CACNA2D3: variants seen among roughly 807,000 people sequenced by gnomAD.
The protein encoded by CACNA2D3 is voltage-dependent calcium channel subunit alpha-2/delta-3.
A neutral mutation model predicts 160.6 loss-of-function variants in CACNA2D3; 60 were observed. That is an observed-to-expected ratio of 0.37 (90% confidence interval 0.30 to 0.46). The LOEUF (loss-of-function observed/expected upper bound fraction) is 0.46. Among genes scored for constraint, CACNA2D3 ranks in the 20% least tolerant of loss-of-function variants. The pLI is 1.00. For synonymous variants in CACNA2D3, 558 were observed against 492.9 expected (o/e 1.13, Z -1.75); for missense variants, 1,205 against 1,365.0 (o/e 0.88, Z 1.85).
intron 35 of CACNA2D3, among the ~76,000 whole-genome samples, chr3:55,045,852 G>A (rs1411971250): frequency 1.3e-5 from 2 of 151,918 alleles, no homozygotes; most frequent in Admixed American, 1.3e-4. Context: ...AGAACCAGCT[G>A]TTAGTTTGAT....
rs545143164 is a variant in CACNA2D3 at position 54,464,273 on chromosome 3, C to T, written c.382-39219C>T. 2.2e-3 allele frequency among the ~76,000 whole-genome samples: 338 copies of T among 152,290 alleles called. 2 individuals carry two copies. The highest frequency in any genetic ancestry group is 4.2e-3 in the Non-Finnish European group (289 of 68,028). ...CTGCCCCTTCTCATATCTCCAGCTGCGTGCTGGGAGAACCACTGCTCTCTT... is the reference window on the plus strand; with the variant it reads ...CTGCCCCTTCTCATATCTCCAGCTGTGTGCTGGGAGAACCACTGCTCTCTT... On this transcript the variant is annotated intron_variant, in intron 4 of 37. Transcript: ENST00000474759.
intron 3 of CACNA2D3, among the ~76,000 whole-genome samples, chr3:54,341,041 A>G (rs1467816720): frequency 6.6e-6 from 1 of 152,172 alleles, no homozygotes; most frequent in African/African-American, 2.4e-5. Context: ...CTTCCTCCAG[A>G]TGGCTGGTGG....
At chr3:54,265,689 G>C (rs945560832) in intron 2 of CACNA2D3, among the ~76,000 whole-genome samples, 1 of 145,222 alleles carries the variant, frequency 6.9e-6, no homozygotes, top group Non-Finnish European at 1.5e-5. Flanking sequence ...TATATATATA[G>C]TGTGGGTATA....
intron 27 of CACNA2D3, among the ~76,000 whole-genome samples, chr3:54,913,745 T>C (rs770137417): frequency 1.3e-5 from 2 of 152,156 alleles, no homozygotes; most frequent in Non-Finnish European, 2.9e-5. Context: ...TGTCAGGTCC[T>C]GAAAAGTGCC....
chr3:54,193,035 C>T lies in CACNA2D3; in HGVS notation c.204+69441C>T, dbSNP rs570144689. On this transcript the variant is annotated intron_variant, in intron 2 of 37. Transcript: ENST00000474759. ...GCTATTCATGATTATAGTTTTTCAG[C>T]ATGTAACCTTGGCCAGGCGCTCTGC... Among the ~76,000 whole-genome samples the T allele has an allele frequency of 3.9e-5, 6 of 152,338 alleles. No homozygotes were observed. The South Asian group carries it at 1.2e-3, about 32-fold the overall frequency.
At chr3:54,262,105 G>A (rs145993120) in intron 2 of CACNA2D3, among the ~76,000 whole-genome samples, 3 of 152,096 alleles carry the variant, frequency 2.0e-5, no homozygotes, top group Non-Finnish European at 4.4e-5. Context: ...ACTTTAGCAC[G>A]TTCCCAGAAC....
intron 13 of CACNA2D3, among the ~76,000 whole-genome samples, chr3:54,778,185 A>G (rs72874234): frequency 0.02 from 2,984 of 152,208 alleles, 107 homozygotes; most frequent in African/African-American, 0.068. Flanking sequence ...TTAAACAACC[A>G]GATCTTATGA....
At chr3:54,264,797 T>C (rs4257583) in intron 2 of CACNA2D3, among the ~76,000 whole-genome samples, 20,839 of 152,264 alleles carry the variant, frequency 0.14, 1,704 homozygotes, top group East Asian at 0.33. Flanking sequence ...TACCAAGTTT[T>C]CTTTCATTGC....
At chr3:54,322,560 A>T (rs1039403894) in intron 3 of CACNA2D3, among the ~76,000 whole-genome samples, 1 of 152,152 alleles carries the variant, frequency 6.6e-6, no homozygotes, top group Non-Finnish European at 1.5e-5. Flanking sequence ...GTTAATTTTT[A>T]CACCTAGGTG....
At chr3:54,316,514 A>G (rs1004362800) in intron 2 of CACNA2D3, among the ~76,000 whole-genome samples, 16 of 152,218 alleles carry the variant, frequency 1.1e-4, no homozygotes, top group Admixed American at 5.2e-4. Flanking sequence ...ATAAGAAAGT[A>G]GTATATTCTT....
intron 2 of CACNA2D3, among the ~76,000 whole-genome samples, chr3:54,213,051 A>G (rs976256913): frequency 1.3e-5 from 2 of 152,132 alleles, no homozygotes; most frequent in African/African-American, 4.8e-5. Flanking sequence ...TGATGAGCCA[A>G]GGTCAGAATC....
intron 14 of CACNA2D3, among the ~76,000 whole-genome samples, chr3:54,821,767 A>G (rs1488503605): frequency 6.7e-6 from 1 of 148,286 alleles, no homozygotes; most frequent in Admixed American, 6.9e-5. Context: ...TTCCTTAGGT[A>G]CAAATTTGTA....
At chr3:54,522,929 T>TTACTTACTTACTTACTTAC (rs1559503829) in intron 5 of CACNA2D3, among the ~76,000 whole-genome samples, 4 of 104,904 alleles carry the variant, frequency 3.8e-5, no homozygotes, top group Admixed American at 9.8e-5. Context: ...TATTTATTTA[T>TTACTTACTTACTTACTTAC]TTATTTACTT....
At chr3:54,898,101 CCTTT>C (rs57548618) in intron 26 of CACNA2D3, among the ~76,000 whole-genome samples, 7 of 146,360 alleles carry the variant, frequency 4.8e-5, no homozygotes, top group African/African-American at 9.9e-5. Context: ...TTCCTTCCTT[CCTTT>C]CTTTCTTTTT....
At chr3:54,319,200 A>ACACACACACACACACC (rs1049670394) in intron 2 of CACNA2D3, among the ~76,000 whole-genome samples, 1 of 104,930 alleles carries the variant, frequency 9.5e-6, no homozygotes, top group African/African-American at 3.3e-5. Flanking sequence ...ACACACACAC[A>ACACACACACACACACC]CCCTTCCTCG....
intron 13 of CACNA2D3, among the ~76,000 whole-genome samples, chr3:54,811,559 G>A (rs1189553283): frequency 2.8e-5 from 4 of 141,064 alleles, no homozygotes; most frequent in Non-Finnish European, 6.0e-5. Flanking sequence ...GTGCAGTGGT[G>A]TGATGTTAGC....
At chr3:54,561,042 G>T (rs1026704798) in intron 5 of CACNA2D3, among the ~76,000 whole-genome samples, 2 of 152,096 alleles carry the variant, frequency 1.3e-5, no homozygotes, top group Non-Finnish European at 2.9e-5. Flanking sequence ...TTTGATTAGG[G>T]TTGCCTTGGC....
At chr3:54,924,998 C>T (rs2106940721) in intron 27 of CACNA2D3, 1 of 1,614,002 alleles carries the variant, frequency 6.2e-7, no homozygotes, top group East Asian at 2.2e-5. Flanking sequence ...AGGTCATGAG[C>T]CATGGCACTG....
chr3:55,067,099 A>G (rs2361034), intron 35 of CACNA2D3, among the ~76,000 whole-genome samples: 14,411 of 144,752 alleles, frequency 0.1, 1,309 homozygotes, highest in Admixed American at 0.25. Flanking sequence ...AATCTTTTGT[A>G]GCGGGGGGGG....
Sources: gnomAD v4.1 joint callset for allele counts (sites outside exome capture counted in the v4.1 genomes callset) on GRCh38, gnomAD v4.1.1 for gene constraint, MANE v1.5 for transcripts, NCBI Gene and HGNC (gene_info 2026-07-23, HGNC 2026-07-21) for gene names.